ENTREP2: variants seen among roughly 807,000 people sequenced by gnomAD.
ENTREP2 encodes the protein endosomal transmembrane epsin interactor 2.
At chr15:29,445,197 T>C in the ENTREP2 span, among the ~76,000 whole-genome samples, 1 of 152,176 alleles carries the variant, frequency 6.6e-6, no homozygotes, top group Non-Finnish European at 1.5e-5. Context: ...TAGTGCGAGA[T>C]ACTGGGATTT....
the ENTREP2 span, among the ~76,000 whole-genome samples, chr15:29,574,173 T>G: frequency 6.6e-6 from 1 of 152,200 alleles, no homozygotes; most frequent in African/African-American, 2.4e-5. Context: ...AGCATTATAA[T>G]CATACATGTC....
At chr15:29,182,584 A>G in the ENTREP2 span, among the ~76,000 whole-genome samples, 3 of 152,136 alleles carry the variant, frequency 2.0e-5, no homozygotes, top group Admixed American at 6.5e-5. Context: ...ACCAAAAATG[A>G]TAATTCTCCC....
At chr15:29,432,364 G>A in the ENTREP2 span, among the ~76,000 whole-genome samples, 3 of 152,156 alleles carry the variant, frequency 2.0e-5, no homozygotes, top group South Asian at 4.1e-4. Context: ...GCATGGGTCT[G>A]TACTGCCTAG....
chr15:29,613,526 T>C, the ENTREP2 span: 1 of 280,676 alleles, frequency 3.6e-6, no homozygotes, highest in Non-Finnish European at 7.2e-6. Context: ...ACACCTCCAG[T>C]GTAATGCCCT....
chr15:29,341,890 CA>C, the ENTREP2 span, among the ~76,000 whole-genome samples: 1 of 152,154 alleles, frequency 6.6e-6, no homozygotes, highest in Non-Finnish European at 1.5e-5. Context: ...CAAAGCATTG[CA>C]GGTGGAGGAA....
At chr15:29,550,138 A>G in the ENTREP2 span, among the ~76,000 whole-genome samples, 1 of 152,120 alleles carries the variant, frequency 6.6e-6, no homozygotes, top group East Asian at 1.9e-4. Context: ...CTAGGCCCCG[A>G]CTCTGTCAAA....
At chr15:29,273,439 C>T in the ENTREP2 span, among the ~76,000 whole-genome samples, 1 of 152,074 alleles carries the variant, frequency 6.6e-6, no homozygotes, top group Non-Finnish European at 1.5e-5. Context: ...CTCAAGTGAT[C>T]CATCCACCTC....
chr15:29,211,569 G>T, the ENTREP2 span, among the ~76,000 whole-genome samples: 4 of 152,312 alleles, frequency 2.6e-5, no homozygotes, highest in East Asian at 7.7e-4. Flanking sequence ...TCTCAGAGGG[G>T]ATGCTTTCAA....
chr15:29,317,062 T>C, the ENTREP2 span, among the ~76,000 whole-genome samples: 1 of 152,202 alleles, frequency 6.6e-6, no homozygotes, highest in African/African-American at 2.4e-5. Flanking sequence ...CAAAGTAAGA[T>C]TTCACATGGA....
At chr15:29,548,820 T>C in the ENTREP2 span, among the ~76,000 whole-genome samples, 53,109 of 152,144 alleles carry the variant, frequency 0.35, 9,392 homozygotes, top group East Asian at 0.42. Context: ...TACTGGTCTA[T>C]ACACTTGTAA....
the ENTREP2 span, among the ~76,000 whole-genome samples, chr15:29,175,526 G>A: frequency 3.0e-4 from 46 of 152,290 alleles, no homozygotes; most frequent in African/African-American, 8.2e-4. Flanking sequence ...CCAAGAATGC[G>A]TTTTGCAGTC....
the ENTREP2 span, among the ~76,000 whole-genome samples, chr15:29,395,289 C>T: frequency 1.3e-5 from 2 of 152,010 alleles, no homozygotes; most frequent in Admixed American, 6.6e-5. Context: ...CACCTTTTAG[C>T]TATGAGGATA....
chr15:29,236,964 C>CA, the ENTREP2 span, among the ~76,000 whole-genome samples: 1 of 151,970 alleles, frequency 6.6e-6, no homozygotes, highest in Non-Finnish European at 1.5e-5. Flanking sequence ...GAACTTAGAG[C>CA]AAAAAATCCA....
At chr15:29,229,955 C>T in the ENTREP2 span, among the ~76,000 whole-genome samples, 3 of 134,298 alleles carry the variant, frequency 2.2e-5, no homozygotes, top group African/African-American at 7.4e-5. Flanking sequence ...ACACTTCAAA[C>T]TTAACATTAA....
At chr15:29,649,159 T>A in the ENTREP2 span, among the ~76,000 whole-genome samples, 1 of 151,258 alleles carries the variant, frequency 6.6e-6, no homozygotes, top group African/African-American at 2.4e-5. Context: ...GCTGACCTCA[T>A]CAGAGAGGCC....
chr15:29,603,865 G>A, the ENTREP2 span, among the ~76,000 whole-genome samples: 57 of 152,182 alleles, frequency 3.7e-4, 1 homozygote, highest in African/African-American at 1.3e-3. Flanking sequence ...TCTTGAACTC[G>A]TGACCTCAGG....
the ENTREP2 span, among the ~76,000 whole-genome samples, chr15:29,295,807 G>T: frequency 6.6e-6 from 1 of 152,146 alleles, no homozygotes; most frequent in Admixed American, 6.5e-5. Context: ...GACAGCAGGA[G>T]ATTTTTATCC....
the ENTREP2 span, among the ~76,000 whole-genome samples, chr15:29,154,943 C>T: frequency 6.6e-6 from 1 of 152,156 alleles, no homozygotes; most frequent in South Asian, 2.1e-4. Context: ...TATAGAACCC[C>T]ATGCACATGT....
chr15:29,123,763 T>C, the ENTREP2 span: 1 of 1,161,180 alleles, frequency 8.6e-7, no homozygotes, highest in Admixed American at 2.7e-5. Flanking sequence ...GGTTTCTGTG[T>C]TCCTGGGGCT....
Sources: allele counts gnomAD v4.1 joint callset (sites outside exome capture counted in the v4.1 genomes callset), GRCh38; gene constraint gnomAD v4.1.1; transcripts MANE v1.5; gene names NCBI Gene and HGNC (gene_info 2026-07-23, HGNC 2026-07-21).